The following CHD2 variants were observed in gnomAD, a reference collection of about 807,000 sequenced individuals.
CHD2 encodes the protein chromodomain helicase DNA binding protein 2.
Under a neutral mutation model 243.9 loss-of-function variants are expected in CHD2, and 28 were observed. The observed-to-expected ratio is 0.11, with a 90% CI of 0.09 to 0.16. The LOEUF (loss-of-function observed/expected upper bound fraction) is 0.16. Among genes scored for constraint, CHD2 ranks in the 10% least tolerant of loss-of-function variants. CHD2 has a pLI of 1.00. For missense variants in CHD2, 1,386 were observed against 2,209.8 expected, an observed-to-expected ratio of 0.63 and a Z score of 7.47; for synonymous variants, 775 against 779.0, an observed-to-expected ratio of 0.99 and a Z score of 0.09.
At position 92,944,524 on chromosome 15, in the gene CHD2, A is replaced by G. The variant is rs1448549297; in HGVS notation, c.1153+9A>G. On this transcript the variant is annotated intron_variant, in intron 10 of 38. Coordinates refer to ENST00000394196, the MANE Select transcript of CHD2 (RefSeq NM_001271.4). ...AGTAGAAAGAGTAATAGGTAAGTAC[A>G]TGGTAACTCACTTCAGCCATATTTG... The G allele has an allele frequency of 3.6e-6, 5 of 1,379,294 alleles. No individual in the cohort carries two copies. The highest frequency in any genetic ancestry group is 1.9e-5 in the Admixed American group (1 of 53,870). 85.4% of individuals were successfully genotyped at this position (1,379,294 alleles called of 1,614,324 possible). A position where few individuals can be genotyped will look rare whatever the true frequency, so the allele number is the denominator to read the frequency against.
chr15:92,927,690 C>T (rs2053088979), intron 4 of CHD2, among the ~76,000 whole-genome samples: 2 of 152,282 alleles, frequency 1.3e-5, no homozygotes, highest in South Asian at 4.1e-4. Flanking sequence ...AAATGGGTAA[C>T]TTGTTTGGTA....
intron 32 of CHD2, among the ~76,000 whole-genome samples, chr15:93,001,545 C>G (rs558227626): frequency 1.3e-5 from 2 of 152,220 alleles, no homozygotes; most frequent in South Asian, 4.1e-4. Context: ...GAGATGGAGT[C>G]TTGCTTTGTC....
At chr15:92,918,722 T>C (rs971475122) in intron 2 of CHD2, among the ~76,000 whole-genome samples, 3 of 151,838 alleles carry the variant, frequency 2.0e-5, no homozygotes, top group South Asian at 4.1e-4. Flanking sequence ...CAATTCTACA[T>C]AGTCTTTTAG....
chr15:92,901,115 TA>T, intron 1 of CHD2, 51 bp from the exon 2 acceptor site: 1 of 686,906 alleles, frequency 1.5e-6, no homozygotes, highest in Non-Finnish European at 2.6e-6. Context: ...TTCCTGATAA[TA>T]AAAAGCATCG....
chr15:92,912,890 C>T (rs2052767027), intron 2 of CHD2, among the ~76,000 whole-genome samples: 2 of 152,190 alleles, frequency 1.3e-5, no homozygotes, highest in Admixed American at 1.3e-4. Flanking sequence ...CATTTAGATG[C>T]AGGTTGGCAT....
In CHD2 at chr15:92,921,470, C is replaced by T. The variant is rs931141197; in HGVS notation, c.63-2851C>T. On this transcript the variant is annotated intron_variant, in intron 2 of 38. Transcript: ENST00000394196. ...ATACAGTTTCCAGGTACTGCCTTGC[C>T]TAACATCCCTTTCAAGTAGACTGCC... The T allele has an allele frequency of 3.9e-5, 6 of 152,180 alleles. 1 individual carries two copies. The highest frequency in any genetic ancestry group is 1.2e-4 in the African/African-American group (5 of 41,440). 9.4% of individuals were successfully genotyped at this position (152,180 alleles called of 1,614,324 possible). A position where few individuals can be genotyped will look rare whatever the true frequency, so the allele number is the denominator to read the frequency against.
chr15:92,946,582 G>T (rs1279956691), intron 12 of CHD2: 1 of 153,846 alleles, frequency 6.5e-6, no homozygotes, highest in East Asian at 1.9e-4. Flanking sequence ...TGCCTCCTGG[G>T]TTTAAGTGAT....
At position 92,984,324 on chromosome 15, in the gene CHD2, T is replaced by G; in HGVS notation, c.3067-6T>G. 6.4e-7 allele frequency: 1 copy of G among 1,569,254 alleles called. No homozygotes were observed. The highest frequency in any genetic ancestry group is 8.6e-7 in the Non-Finnish European group (1 of 1,158,510). ...AAATGTCAGACAATGGGTTGTCTGT[T>G]TTAAGGTTGCCAACTTTGCAACAAT... On this transcript the variant is annotated splice_polypyrimidine_tract_variant and splice_region_variant and intron_variant, in intron 24 of 38. Transcript: ENST00000394196.
chr15:93,023,158 T>TA (rs1159057428), intron 38 of CHD2, among the ~76,000 whole-genome samples: 1 of 152,222 alleles, frequency 6.6e-6, no homozygotes. Flanking sequence ...GAAAACCCTA[T>TA]AACCATTAAA....
At chr15:92,940,773 A>AT (rs1332984505) in intron 7 of CHD2, among the ~76,000 whole-genome samples, 1 of 136,850 alleles carries the variant, frequency 7.3e-6, no homozygotes, top group Non-Finnish European at 1.6e-5. Flanking sequence ...AAATATATAT[A>AT]AAAAATATAA....
chr15:92,930,837 T>C (rs1358264513), intron 5 of CHD2, among the ~76,000 whole-genome samples: 1 of 152,180 alleles, frequency 6.6e-6, no homozygotes, highest in Non-Finnish European at 1.5e-5. Flanking sequence ...TGTCTTCTTT[T>C]TCATATTGCT....
chr15:92,972,988 C>T (rs997746549), intron 19 of CHD2, among the ~76,000 whole-genome samples: 4 of 151,618 alleles, frequency 2.6e-5, no homozygotes, highest in Non-Finnish European at 4.4e-5. Flanking sequence ...GAAAGTCAAA[C>T]GGGGCAAGAT....
chr15:92,916,856 C>T (rs1223642633), intron 2 of CHD2, among the ~76,000 whole-genome samples: 3 of 152,130 alleles, frequency 2.0e-5, no homozygotes, highest in Admixed American at 6.6e-5. Flanking sequence ...CTGGCTGATT[C>T]GTATACATTT....
chr15:92,935,290 C>G (rs891075105), intron 5 of CHD2, among the ~76,000 whole-genome samples: 7 of 152,188 alleles, frequency 4.6e-5, no homozygotes. Context: ...CCCGCCTCGG[C>G]CTCCCAAAGT....
intron 2 of CHD2, chr15:92,905,011 C>A: frequency 1.3e-6 from 2 of 1,533,632 alleles, no homozygotes; most frequent in South Asian, 2.4e-5. Context: ...AAACTCAGGT[C>A]AGTATGTGCT....
intron 15 of CHD2, among the ~76,000 whole-genome samples, chr15:92,955,912 A>G (rs1021595393): frequency 6.6e-6 from 1 of 152,172 alleles, no homozygotes; most frequent in African/African-American, 2.4e-5. Context: ...GGCATTTCCT[A>G]TTGTATCATT....
At chr15:92,976,329 A>G (rs2053907691) in intron 20 of CHD2, among the ~76,000 whole-genome samples, 2 of 152,158 alleles carry the variant, frequency 1.3e-5, no homozygotes, top group Admixed American at 1.3e-4. Context: ...GTGGGACAAA[A>G]TATTATATGC....
chr15:92,966,500 CT>C (rs1249243827), intron 16 of CHD2, among the ~76,000 whole-genome samples: 5 of 152,128 alleles, frequency 3.3e-5, no homozygotes, highest in Admixed American at 6.6e-5. Context: ...AGGCTGTAGG[CT>C]TTAATGACGA....
At chr15:93,020,376 A>T in intron 38 of CHD2, 118 bp downstream of exon 38, 1 of 1,291,206 alleles carries the variant, frequency 7.7e-7, no homozygotes, top group South Asian at 1.3e-5. Context: ...CTCATCATGC[A>T]TGTGTCAGCC....
Sources: allele counts gnomAD v4.1 joint callset (sites outside exome capture counted in the v4.1 genomes callset), GRCh38; gene constraint gnomAD v4.1.1; transcripts MANE v1.5; gene names NCBI Gene and HGNC (gene_info 2026-07-23, HGNC 2026-07-21).